Variants in HEXA observed in about 807,000 individuals in gnomAD.
HEXA encodes the protein hexosaminidase subunit alpha.
A neutral mutation model predicts 73.3 loss-of-function variants in HEXA; 54 were observed. The observed-to-expected ratio is 0.74, with a 90% CI of 0.59 to 0.92. The LOEUF (loss-of-function observed/expected upper bound fraction) is 0.92. Among genes scored for constraint, HEXA ranks in the 40% least tolerant of loss-of-function variants. The pLI, the probability that HEXA is intolerant of heterozygous loss-of-function variation, is 0.00. For missense variants in HEXA, 649 were observed against 653.0 expected (o/e 0.99, Z 0.07); for synonymous variants, 230 against 246.9 (o/e 0.93, Z 0.64).
chr15:72,346,283 C>G lies in HEXA; in HGVS notation c.1373G>C (p.Cys458Ser). The G allele has an allele frequency of 6.2e-7, 1 of 1,614,008 alleles. No homozygotes were observed. The highest frequency in any genetic ancestry group is 8.5e-7 in the Non-Finnish European group (1 of 1,179,976). Residue 458 changes from cysteine (C) to serine (S), a missense_variant, in exon 12 of 14, where the codon TGT (cysteine) becomes TCT (serine). Physicochemically the swap from Cys to Ser is moderately radical, Grantham distance 112. Transcript: ENST00000268097. ...QKALVIGGEA[C>S]MWGEYVDNTN... ...GTTGTCCACATATTCTCCCCACATACAAGCCTCTCCACCAATCACCAGAGC... is the reference window on the plus strand; with the variant it reads ...GTTGTCCACATATTCTCCCCACATAGAAGCCTCTCCACCAATCACCAGAGC...
intron 1 of HEXA, among the ~76,000 whole-genome samples, chr15:72,364,866 G>A (rs1365832955): frequency 2.0e-5 from 3 of 148,696 alleles, no homozygotes; most frequent in African/African-American, 7.5e-5. Context: ...CTGTCACCCA[G>A]GCTGGAGTGC....
chr15:72,363,847 C>T (rs1271570052), intron 1 of HEXA, among the ~76,000 whole-genome samples: 1 of 151,948 alleles, frequency 6.6e-6, no homozygotes, highest in Non-Finnish European at 1.5e-5. Context: ...CCTATCCCCA[C>T]TGGAAAGAGA....
chr15:72,353,696 C>T lies in HEXA; in HGVS notation c.454G>A (p.Gly152Ser). The T allele has an allele frequency of 1.2e-6, 2 of 1,612,120 alleles. No homozygotes were observed. The highest frequency in any genetic ancestry group is 2.2e-5 in the South Asian group (2 of 91,028). ...FSQLVWKSAE[G>S]TFFINKTEIE... ...TTTTGAGGGTCCACACTTACTGTGC[C>T]CTCAGCAGATTTCCAAACAAGCTGG... Residue 152 changes from glycine to serine, a missense_variant, in exon 4 of 14, where the codon GGC (glycine) becomes AGC (serine). Coordinates refer to ENST00000268097, the MANE Select transcript of HEXA (RefSeq NM_000520.6).
intron 1 of HEXA, among the ~76,000 whole-genome samples, chr15:72,365,805 T>C (rs17823279): frequency 0.024 from 3,669 of 152,316 alleles, 53 homozygotes; most frequent in Non-Finnish European, 0.036. Flanking sequence ...CCCACATATA[T>C]ACACATGCTT....
At chr15:72,362,186 G>C (rs920030126) in intron 1 of HEXA, among the ~76,000 whole-genome samples, 1 of 152,022 alleles carries the variant, frequency 6.6e-6, no homozygotes, top group African/African-American at 2.4e-5. Context: ...TCCTCCAATT[G>C]AAACAAACTT....
intron 13 of HEXA, chr15:72,345,224 G>C (rs1206787964): frequency 1.3e-6 from 1 of 743,734 alleles, no homozygotes; most frequent in East Asian, 3.1e-5. Context: ...TAAATGCTAT[G>C]TAAATAGTTG....
intron 5 of HEXA, among the ~76,000 whole-genome samples, chr15:72,352,333 G>A (rs928273383): frequency 6.6e-6 from 1 of 151,458 alleles, no homozygotes. Flanking sequence ...CAGGTGTAGT[G>A]ACTCATGCCT....
chr15:72,344,367 C>T (rs1486281217), intron 13 of HEXA, among the ~76,000 whole-genome samples: 1 of 152,144 alleles, frequency 6.6e-6, no homozygotes, highest in African/African-American at 2.4e-5. Context: ...GATTCTGATA[C>T]AGGTCTTGGA....
intron 1 of HEXA, among the ~76,000 whole-genome samples, chr15:72,369,695 G>A (rs1477223131): frequency 6.6e-6 from 1 of 152,110 alleles, no homozygotes; most frequent in African/African-American, 2.4e-5. Context: ...GAGACACCAT[G>A]CCCAGCTTTA....
intron 13 of HEXA, 96 bp from the exon 14 acceptor site, chr15:72,344,236 C>T (rs991265461): frequency 7.4e-5 from 62 of 833,756 alleles, no homozygotes; most frequent in Non-Finnish European, 9.3e-5. Context: ...TTCCCCATTT[C>T]GGTGACTCTC....
At chr15:72,351,062 C>T in intron 6 of HEXA, 71 bp downstream of exon 6, 1 of 1,010,330 alleles carries the variant, frequency 9.9e-7, no homozygotes, top group Non-Finnish European at 1.6e-6. Context: ...AGACCCTGTT[C>T]TTGCCAGCAG....
chr15:72,348,000 C>T (rs757467632), intron 9 of HEXA, 48 bp downstream of exon 9: 1 of 1,323,680 alleles, frequency 7.6e-7, no homozygotes, highest in Non-Finnish European at 1.1e-6. Flanking sequence ...GGGAGGACCC[C>T]ACAGGAGGAC....
In HEXA at chr15:72,345,272, AT is replaced by A. The variant is rs545914869; in HGVS notation, c.1526+173del. On this transcript the variant is annotated intron_variant, in intron 13 of 13. Coordinates refer to ENST00000268097, the MANE Select transcript of HEXA (RefSeq NM_000520.6). ...TTTTATTTGTACCATTTTTTGTTGT[AT>A]TTTTTTTTTCCTGAATACTTTTTAT... The A allele has an allele frequency of 2.9e-3, 3,338 of 1,138,028 alleles. 2 individuals carry two copies. The highest frequency in any genetic ancestry group is 8.0e-3 in the African/African-American group (498 of 62,518). 70.5% of individuals were successfully genotyped at this position (1,138,028 alleles called of 1,614,324 possible). A position where few individuals can be genotyped will look rare whatever the true frequency, so the allele number is the denominator to read the frequency against.
Position 72,353,059 on chromosome 15 carries a change from C to T in HEXA, c.570+9G>A. 1 of 1,551,580 alleles carries T rather than the reference C, an allele frequency of 6.4e-7. No homozygotes were observed. The highest frequency in any genetic ancestry group is 8.9e-7 in the Non-Finnish European group (1 of 1,122,960). On this transcript the variant is annotated intron_variant, in intron 5 of 13. Transcript: ENST00000268097. ...CTTAAGTGTGAAGAAGGCCTTAAGG[C>T]CTGGTTACCAGAGTGTCCAGGATGC...
chr15:72,372,828 T>C (rs1185044626), intron 1 of HEXA, among the ~76,000 whole-genome samples: 5 of 152,192 alleles, frequency 3.3e-5, no homozygotes, highest in African/African-American at 9.7e-5. Flanking sequence ...AGAAGTTGTA[T>C]TGCATTAGGA....
intron 10 of HEXA, 113 bp downstream of exon 10, chr15:72,347,573 C>T: frequency 3.5e-6 from 3 of 867,672 alleles, no homozygotes; most frequent in African/African-American, 1.7e-5. Context: ...GTGCTCCGAC[C>T]ATTAAAGCCC....
chr15:72,355,242 C>A, intron 3 of HEXA: 1 of 376,104 alleles, frequency 2.7e-6, no homozygotes, highest in East Asian at 6.2e-5. Context: ...AAAAAGCTTC[C>A]TGGCTGGGCG....
Position 72,349,228 on chromosome 15 carries a change from A to C in HEXA, c.837T>G (p.Ser279=). Residue 279 remains serine (S), a synonymous_variant, in exon 8 of 14, where the codon TCT becomes TCG. Transcript: ENST00000268097. ...GIPGLLTPCY[S]GSEPSGTFGP... ...CAAAGGTGCCAGAGGGCTCAGACCC[A>C]GAGTAGCAAGGAGTCAGTAATCCAG... 1 of 1,614,184 alleles carries C rather than the reference A, an allele frequency of 6.2e-7. No homozygotes were observed. The highest frequency in any genetic ancestry group is 8.5e-7 in the Non-Finnish European group (1 of 1,180,006).
intron 12 of HEXA, chr15:72,345,876 A>G (rs1025824544): frequency 8.1e-5 from 42 of 521,244 alleles, no homozygotes; most frequent in African/African-American, 7.6e-4. Flanking sequence ...TGCACACCCA[A>G]CCATACTTGG....
Sources: gnomAD v4.1 joint callset for allele counts (sites outside exome capture counted in the v4.1 genomes callset) on GRCh38, gnomAD v4.1.1 for gene constraint, MANE v1.5 for transcripts, NCBI Gene and HGNC (gene_info 2026-07-23, HGNC 2026-07-21) for gene names.